AGBL4: variants seen among roughly 807,000 people sequenced by gnomAD.
AGBL4 encodes cytosolic carboxypeptidase 6.
AGBL4 carries 58 observed loss-of-function variants against 66.4 expected under a neutral mutation model. The observed-to-expected ratio is 0.87, with a 90% confidence interval of 0.71 to 1.09. AGBL4 has a LOEUF of 1.09. Ranked by LOEUF, AGBL4 falls within the 50% of genes least tolerant of loss-of-function variation. AGBL4 has a pLI of 0.00. For synonymous variants in AGBL4, 234 were observed against 222.9 expected (o/e 1.05, Z -0.44); for missense variants, 579 against 631.0 (o/e 0.92, Z 0.88).
chr1:49,439,523 G>A (rs1645977604), intron 3 of AGBL4, among the ~76,000 whole-genome samples: 1 of 151,880 alleles, frequency 6.6e-6, no homozygotes, highest in Non-Finnish European at 1.5e-5. Flanking sequence ...TTAATATTGA[G>A]TGTCAACTTG....
At chr1:49,247,168 T>TA (rs1651712288) in intron 3 of AGBL4, among the ~76,000 whole-genome samples, 1 of 152,054 alleles carries the variant, frequency 6.6e-6, no homozygotes, top group Admixed American at 6.6e-5. Flanking sequence ...CAAAATTCCA[T>TA]AACCCTAAAC....
intron 2 of AGBL4, among the ~76,000 whole-genome samples, chr1:49,710,945 G>C (rs1647617358): frequency 6.6e-6 from 1 of 151,730 alleles, no homozygotes. Context: ...AAGAAAACAA[G>C]ATTTATGAGT....
chr1:49,110,886 C>T, intron 4 of AGBL4, among the ~76,000 whole-genome samples: 1 of 152,062 alleles, frequency 6.6e-6, no homozygotes, highest in Non-Finnish European at 1.5e-5. Flanking sequence ...TTTATGTGGG[C>T]CTCTTCTCTT....
chr1:49,176,410 A>C (rs999900771), intron 4 of AGBL4, among the ~76,000 whole-genome samples: 1 of 152,172 alleles, frequency 6.6e-6, no homozygotes, highest in Non-Finnish European at 1.5e-5. Flanking sequence ...ATATTTAGTC[A>C]TGGGTACCAA....
chr1:48,595,458 G>A (rs897695372), intron 9 of AGBL4, among the ~76,000 whole-genome samples: 3 of 152,300 alleles, frequency 2.0e-5, no homozygotes, highest in East Asian at 1.9e-4. Flanking sequence ...TGGCTGTGCC[G>A]GGCCAAGGGG....
At chr1:49,575,584 G>A (rs1558067677) in intron 3 of AGBL4, among the ~76,000 whole-genome samples, 1 of 152,086 alleles carries the variant, frequency 6.6e-6, no homozygotes, top group Admixed American at 6.5e-5. Flanking sequence ...CATTTGGCCT[G>A]TGCAGAAGAC....
intron 3 of AGBL4, among the ~76,000 whole-genome samples, chr1:49,270,551 C>G (rs947400539): frequency 2.0e-5 from 3 of 152,124 alleles, no homozygotes; most frequent in Non-Finnish European, 2.9e-5. Context: ...TGGCTCCTCA[C>G]AAATTCATGG....
chr1:48,689,203 CAAAAAAAAAAA>C (rs939955179), intron 6 of AGBL4, among the ~76,000 whole-genome samples: 1 of 53,348 alleles, frequency 1.9e-5, no homozygotes, highest in South Asian at 6.0e-4. Flanking sequence ...GACCCGGTCT[CAAAAAAAAAAA>C]AAAAAAAAAG....
At chr1:49,194,602 T>G (rs573931248) in intron 4 of AGBL4, among the ~76,000 whole-genome samples, 1 of 152,348 alleles carries the variant, frequency 6.6e-6, no homozygotes, top group Admixed American at 6.5e-5. Context: ...TTGTTTGTTT[T>G]TTTTTCTAGA....
intron 2 of AGBL4, among the ~76,000 whole-genome samples, chr1:49,782,538 TAAG>T (rs1644361139): frequency 6.6e-6 from 1 of 152,190 alleles, no homozygotes; most frequent in Non-Finnish European, 1.5e-5. Flanking sequence ...GTAGCATCTT[TAAG>T]AAGTAAGTAG....
chr1:49,010,873 A>G (rs1213283771), intron 5 of AGBL4, among the ~76,000 whole-genome samples: 3 of 151,266 alleles, frequency 2.0e-5, no homozygotes, highest in Non-Finnish European at 3.0e-5. Context: ...TTATACAAAA[A>G]TCAATTCAAG....
At chr1:49,530,501 C>A (rs1316088080) in intron 3 of AGBL4, among the ~76,000 whole-genome samples, 1 of 151,832 alleles carries the variant, frequency 6.6e-6, no homozygotes, top group African/African-American at 2.4e-5. Flanking sequence ...TTGTAAGAAT[C>A]CTCAGGTTTT....
intron 1 of AGBL4, among the ~76,000 whole-genome samples, chr1:49,886,567 AAAAAT>A (rs1460075511): frequency 6.6e-5 from 10 of 152,178 alleles, no homozygotes; most frequent in Non-Finnish European, 2.9e-5. Flanking sequence ...AGAGAGGAGA[AAAAAT>A]AAAGCTGCTT....
intron 2 of AGBL4, among the ~76,000 whole-genome samples, chr1:49,801,025 C>G (rs1644848476): frequency 6.6e-6 from 1 of 151,628 alleles, no homozygotes; most frequent in Non-Finnish European, 1.5e-5. Flanking sequence ...TCTCCAGCAC[C>G]TGTTGTTTCC....
intron 4 of AGBL4, among the ~76,000 whole-genome samples, chr1:49,190,180 G>C (rs542630978): frequency 5.1e-4 from 77 of 152,318 alleles, no homozygotes; most frequent in Non-Finnish European, 9.3e-4. Context: ...ACATGGCTAA[G>C]ACTGGGCCTG....
At chr1:49,640,893 T>C (rs1048922031) in intron 3 of AGBL4, among the ~76,000 whole-genome samples, 11 of 152,288 alleles carry the variant, frequency 7.2e-5, no homozygotes, top group Non-Finnish European at 1.2e-4. Context: ...CTCTTTTACA[T>C]GCACTGTTTG....
At chr1:49,642,150 A>G (rs906956040) in intron 3 of AGBL4, among the ~76,000 whole-genome samples, 12 of 152,024 alleles carry the variant, frequency 7.9e-5, no homozygotes, top group African/African-American at 2.9e-4. Context: ...ATACTTCTTA[A>G]AGGAAAAAAA....
At chr1:48,928,908 C>T (rs1013355271) in intron 5 of AGBL4, among the ~76,000 whole-genome samples, 2 of 152,072 alleles carry the variant, frequency 1.3e-5, no homozygotes, top group African/African-American at 4.8e-5. Context: ...TAAGTTATAC[C>T]ATGTGACATT....
chr1:49,538,099 T>G (rs1374792597), intron 3 of AGBL4, among the ~76,000 whole-genome samples: 3 of 152,202 alleles, frequency 2.0e-5, no homozygotes, highest in African/African-American at 7.2e-5. Flanking sequence ...CTACTGTGTA[T>G]CTACCCAAAG....
Sources: allele counts gnomAD v4.1 joint callset (sites outside exome capture counted in the v4.1 genomes callset), GRCh38; gene constraint gnomAD v4.1.1; transcripts MANE v1.5; gene names NCBI Gene and HGNC (gene_info 2026-07-23, HGNC 2026-07-21).